EHHADH: variants seen among roughly 807,000 people sequenced by gnomAD.
The protein encoded by EHHADH is peroxisomal bifunctional enzyme.
A neutral mutation model predicts 64.4 loss-of-function variants in EHHADH; 48 were observed. That is an observed-to-expected ratio of 0.75 (90% CI 0.59 to 0.95). The LOEUF is 0.95. EHHADH is among the 40% of genes least tolerant of loss of function. The pLI is 0.00. For missense variants in EHHADH, 854 were observed against 876.6 expected, an observed-to-expected ratio of 0.97 and a Z score of 0.33; for synonymous variants, 308 against 326.7, an observed-to-expected ratio of 0.94 and a Z score of 0.62.
At chr3:185,206,598 C>T (rs1378017499) in intron 5 of EHHADH, among the ~76,000 whole-genome samples, 2 of 151,746 alleles carry the variant, frequency 1.3e-5, no homozygotes, top group Non-Finnish European at 2.9e-5. Context: ...GAGGCCGAGG[C>T]GGGTGGATTG....
chr3:185,194,542 G>A (rs557635126), intron 6 of EHHADH, among the ~76,000 whole-genome samples: 1 of 151,858 alleles, frequency 6.6e-6, no homozygotes, highest in African/African-American at 2.4e-5. Context: ...AACCCAGGTG[G>A]CAGAGGTTGC....
Position 185,249,429 on chromosome 3 carries a change from G to C in EHHADH, c.75-912C>G, listed in dbSNP as rs544961019. ...AGGTGTGAGCCACCGCGCCCAGCCT[G>C]GTTTGGCTCTTTATCCCCACCAAAA... is the stretch of plus-strand genomic sequence containing the variant. On this transcript the variant is annotated intron_variant, in intron 1 of 6. Coordinates refer to ENST00000231887, the MANE Select transcript of EHHADH (RefSeq NM_001966.4). Among the ~76,000 whole-genome samples, 70 of 152,234 alleles carry C rather than the reference G, an allele frequency of 4.6e-4. 2 individuals are homozygous for C. Among genetic ancestry groups the C allele is most frequent in the African/African-American group, 1.5e-3 (64 of 41,562 alleles).
intron 4 of EHHADH, among the ~76,000 whole-genome samples, chr3:185,218,798 G>C (rs1718762158): frequency 6.6e-6 from 1 of 151,994 alleles, no homozygotes; most frequent in Non-Finnish European, 1.5e-5. Flanking sequence ...CAAGGCGGGT[G>C]GATCACCTGA....
At chr3:185,214,656 G>A (rs537447894) in intron 5 of EHHADH, among the ~76,000 whole-genome samples, 98 of 152,118 alleles carry the variant, frequency 6.4e-4, no homozygotes, top group African/African-American at 2.3e-3. Flanking sequence ...AAGAACACAC[G>A]CACACACTTG....
At chr3:185,246,469 G>T in intron 2 of EHHADH, 1 of 396,300 alleles carries the variant, frequency 2.5e-6, no homozygotes, top group Non-Finnish European at 4.3e-6. Context: ...GCTCCGCATG[G>T]ATGGGAAGTC....
chr3:185,192,891 C>G lies in EHHADH; in HGVS notation c.1507G>C (p.Glu503Gln), dbSNP rs1310646310. The change falls in exon 7 of 7, where the codon GAG becomes CAG. Residue 503 changes from glutamate (E) to glutamine (Q), a missense_variant. Transcript: ENST00000231887. ...YFLLEEGSKP[E>Q]EVDQVLEEFG... is the part of the protein sequence containing the mutation. ...TCTTCCAGCACCTGATCTACCTCCTCTGGTTTGCTGCCTTCTTCTAACAAG... is the reference window on the plus strand; with the variant it reads ...TCTTCCAGCACCTGATCTACCTCCTGTGGTTTGCTGCCTTCTTCTAACAAG... 1.5e-5 allele frequency: 25 copies of G among 1,614,074 alleles called. No homozygotes were observed. Among genetic ancestry groups the G allele is most frequent in the Non-Finnish European group, 2.1e-5 (25 of 1,180,038 alleles).
intron 5 of EHHADH, among the ~76,000 whole-genome samples, chr3:185,210,578 T>C (rs888545586): frequency 4.8e-5 from 7 of 147,238 alleles, no homozygotes; most frequent in African/African-American, 1.8e-4. Context: ...GAGGTTGCAG[T>C]GAGCCGAGAT....
At chr3:185,241,039 T>A (rs1719436465) in intron 2 of EHHADH, among the ~76,000 whole-genome samples, 1 of 149,732 alleles carries the variant, frequency 6.7e-6, no homozygotes, top group Admixed American at 6.7e-5. Flanking sequence ...CTCCCACATA[T>A]CAGTGAGAAC....
rs61336307 is a variant in EHHADH, at chr3:185,216,131, A to G, written c.568+2005T>C. ...TATTTTGTAAGTTTTATAAAGTAAA[A>G]ATGCTTAATTTAATGTTTACAATTA... On this transcript the variant is annotated intron_variant, in intron 5 of 6. Transcript: ENST00000231887. This position sits in a 1 kb window ranked among gnomAD's most constrained non-coding sequence, Gnocchi z 5.3. 0.068 allele frequency among the ~76,000 whole-genome samples: 10,381 copies of G among 152,222 alleles called. 1,178 individuals are homozygous for G. Among genetic ancestry groups the G allele is most frequent in the African/African-American group, 0.23 (9,632 of 41,492 alleles).
intron 1 of EHHADH, among the ~76,000 whole-genome samples, chr3:185,252,440 AC>A (rs1330221738): frequency 6.6e-6 from 1 of 151,972 alleles, no homozygotes; most frequent in Non-Finnish European, 1.5e-5. Flanking sequence ...AAAAAAAAAA[AC>A]AGTTGTCAGA....
At chr3:185,228,257 A>AAAATATATATATATAT (rs1367786172) in intron 4 of EHHADH, among the ~76,000 whole-genome samples, 8 of 22,006 alleles carry the variant, frequency 3.6e-4, no homozygotes, top group Non-Finnish European at 7.5e-4. Flanking sequence ...AAAAAAAAAA[A>AAAATATATATATATAT]ATATATATAT....
At position 185,204,646 on chromosome 3, in the gene EHHADH, C is replaced by T. The variant is rs1718335284; in HGVS notation, c.680G>A (p.Cys227Tyr). Residue 227 changes from cysteine to tyrosine, a missense_variant, in exon 6 of 7, where the codon TGT becomes TAT. Coordinates refer to ENST00000231887, the MANE Select transcript of EHHADH (RefSeq NM_001966.4). Reference protein sequence around the residue: ...LLKMRRQHPGCLAQEACVRAV... With the variant: ...LLKMRRQHPGYLAQEACVRAV... ...ACGGACACAAGCCTCCTGTGCAAGA[C>T]ACCCAGGGTGCTGCCTCCGCATCTT... 1 of 1,614,110 alleles carries T rather than the reference C, an allele frequency of 6.2e-7. No homozygotes were observed. Among genetic ancestry groups the T allele is most frequent in the African/African-American group, 1.3e-5 (1 of 74,932 alleles).
In EHHADH at chr3:185,232,636, C is replaced by T. The variant is rs1010758551; in HGVS notation, c.351+2654G>A. Among the ~76,000 whole-genome samples, 11 of 152,156 alleles carry T rather than the reference C, an allele frequency of 7.2e-5. No homozygotes were observed. The East Asian group carries it at 9.7e-4, about 13-fold the overall frequency. On this transcript the variant is annotated intron_variant, in intron 3 of 6. Coordinates refer to ENST00000231887, the MANE Select transcript of EHHADH (RefSeq NM_001966.4). ...GCTAATTTTGTATTTTTAGTAGAGG[C>T]GGGATTTCTCCATGTTGGTCAGGCT...
chr3:185,235,244 A>C, intron 3 of EHHADH, 46 bp downstream of exon 3: 2 of 1,519,222 alleles, frequency 1.3e-6, no homozygotes, highest in Non-Finnish European at 1.8e-6. Context: ...TTTGCCCTAA[A>C]GAAAAGCCCC....
intron 3 of EHHADH, among the ~76,000 whole-genome samples, chr3:185,231,890 G>A (rs558080341): frequency 3.3e-5 from 5 of 152,262 alleles, no homozygotes; most frequent in African/African-American, 9.6e-5. Context: ...ACAACTCTGA[G>A]AATATACTCA....
chr3:185,203,809 G>C (rs1718295827), intron 6 of EHHADH, among the ~76,000 whole-genome samples: 1 of 152,056 alleles, frequency 6.6e-6, no homozygotes, highest in Admixed American at 6.6e-5. Flanking sequence ...GGAAATCCAG[G>C]AATGAGAGAT....
At chr3:185,245,624 G>C (rs1057179652) in intron 2 of EHHADH, 5 of 729,582 alleles carry the variant, frequency 6.9e-6, no homozygotes, top group Non-Finnish European at 1.3e-5. Context: ...TGTGTGACAA[G>C]TGACATACTC....
rs1719825937 is a variant in EHHADH at position 185,253,967 on chromosome 3, G to T, written c.56C>A (p.Pro19Gln). ...CCGTTACCTGATCGCGTTGACCGGC[G>T]GGTTTCGGAGGCGGATTAGCGCCAA... ...NALALIRLRN[P>Q]PVNAISTTLL... Residue 19 changes from proline (P) to glutamine (Q), a missense_variant, in exon 1 of 7, where the codon CCG becomes CAG. Transcript: ENST00000231887. 2 of 1,614,006 alleles carry T rather than the reference G, an allele frequency of 1.2e-6. No individual in the cohort carries two copies. The highest frequency in any genetic ancestry group is 8.5e-7 in the Non-Finnish European group (1 of 1,179,956).
chr3:185,225,639 C>T (rs1333382075), intron 4 of EHHADH, among the ~76,000 whole-genome samples: 1 of 152,140 alleles, frequency 6.6e-6, no homozygotes, highest in African/African-American at 2.4e-5. Context: ...TCCTCATTCA[C>T]AAGAAAAGCC....
Sources: allele counts gnomAD v4.1 joint callset (sites outside exome capture counted in the v4.1 genomes callset), GRCh38; gene constraint gnomAD v4.1.1; non-coding constraint Gnocchi (gnomAD v3.1); transcripts MANE v1.5; gene names NCBI Gene and HGNC (gene_info 2026-07-23, HGNC 2026-07-21).